Variants in LRP1B observed in about 807,000 individuals in gnomAD.
The protein encoded by LRP1B is low-density lipoprotein receptor-related protein 1B.
Under a neutral mutation model 556.6 loss-of-function variants are expected in LRP1B, and 217 were observed. The observed-to-expected ratio is 0.39, with a 90% confidence interval of 0.35 to 0.44. LRP1B has a LOEUF of 0.44. Among genes scored for constraint, LRP1B ranks in the 20% least tolerant of loss-of-function variants. The probability of loss-of-function intolerance (pLI) is 1.00; values close to 1 mark genes in which losing one functional copy is unlikely to be tolerated. For synonymous variants in LRP1B, 2,047 were observed against 1,865.8 expected (o/e 1.10, Z -2.50); for missense variants, 5,053 against 5,620.8 (o/e 0.90, Z 3.23).
At chr2:140,955,499 A>G (rs1417672470) in intron 18 of LRP1B, among the ~76,000 whole-genome samples, 1 of 151,872 alleles carries the variant, frequency 6.6e-6, no homozygotes, top group African/African-American at 2.4e-5. Flanking sequence ...GAGAAAAATT[A>G]TGAACAAAAA....
At chr2:141,537,262 A>G (rs1385834209) in intron 2 of LRP1B, among the ~76,000 whole-genome samples, 2 of 152,136 alleles carry the variant, frequency 1.3e-5, no homozygotes, top group Non-Finnish European at 2.9e-5. Flanking sequence ...AAGAAAAACT[A>G]CATATAAAAA....
chr2:140,444,624 T>C lies in LRP1B; in HGVS notation c.10113A>G (p.Leu3371=), dbSNP rs774476681. Reference sequence around the variant, plus strand: ...TCTCTCCATCACAGATGAAAGCTGGTAGAGCACAGAGTCCAGTCCCACACT... The same window carrying C: ...TCTCTCCATCACAGATGAAAGCTGGCAGAGCACAGAGTCCAGTCCCACACT... ...RFQCGTGLCA[L]PAFICDGEND... The change falls in exon 64 of 91, where the codon CTA becomes CTG. Residue 3371 remains leucine, a synonymous_variant. Transcript: ENST00000389484. The C allele has an allele frequency of 2.5e-6, 4 of 1,614,020 alleles. No individual in the cohort carries two copies. Among genetic ancestry groups the C allele is most frequent in the Non-Finnish European group, 1.7e-6 (2 of 1,179,948 alleles).
intron 41 of LRP1B, among the ~76,000 whole-genome samples, chr2:140,690,948 T>A (rs1385077914): frequency 5.3e-5 from 8 of 152,168 alleles, no homozygotes; most frequent in Non-Finnish European, 1.2e-4. Context: ...TTTTCAGTTT[T>A]ATGAAAACTG....
chr2:140,412,128 A>G (rs895127467), intron 66 of LRP1B, among the ~76,000 whole-genome samples: 7 of 152,098 alleles, frequency 4.6e-5, no homozygotes, highest in African/African-American at 1.7e-4. Flanking sequence ...AGAAGCAAAT[A>G]TATCAATTAG....
intron 25 of LRP1B, among the ~76,000 whole-genome samples, chr2:140,881,278 G>GCA (rs1475553095): frequency 1.1e-4 from 17 of 151,688 alleles, no homozygotes; most frequent in African/African-American, 4.1e-4. Flanking sequence ...GTGTGTGTGC[G>GCA]TGTGTGTCTG....
chr2:141,797,862 G>T (rs1418425384), intron 2 of LRP1B, among the ~76,000 whole-genome samples: 1 of 152,160 alleles, frequency 6.6e-6, no homozygotes, highest in African/African-American at 2.4e-5. Flanking sequence ...AACCTTGATT[G>T]TGTGATATTC....
intron 2 of LRP1B, among the ~76,000 whole-genome samples, chr2:141,672,136 C>G (rs1231970128): frequency 1.3e-5 from 2 of 152,098 alleles, no homozygotes; most frequent in Non-Finnish European, 2.9e-5. Context: ...TTAGAAAATA[C>G]TAATAGATTA....
chr2:141,144,627 C>T (rs1701737035), intron 7 of LRP1B, among the ~76,000 whole-genome samples: 1 of 152,104 alleles, frequency 6.6e-6, no homozygotes, highest in South Asian at 2.1e-4. Flanking sequence ...CCTTCATACG[C>T]TAGAAGATCA....
chr2:140,916,834 AAT>A (rs35253461), intron 21 of LRP1B, among the ~76,000 whole-genome samples: 16,335 of 152,194 alleles, frequency 0.11, 1,260 homozygotes, highest in East Asian at 0.28. Flanking sequence ...TTATAGAAAG[AAT>A]ATACTTTTAT....
chr2:141,822,728 T>C (rs1250493228), intron 1 of LRP1B, among the ~76,000 whole-genome samples: 1 of 152,220 alleles, frequency 6.6e-6, no homozygotes, highest in East Asian at 1.9e-4. Context: ...CCTTGTTCCC[T>C]ATTTTAAAAG....
At chr2:140,652,266 T>C (rs967038656) in intron 41 of LRP1B, among the ~76,000 whole-genome samples, 1 of 151,912 alleles carries the variant, frequency 6.6e-6, no homozygotes, top group Non-Finnish European at 1.5e-5. Context: ...ATTTGAGACA[T>C]CTAGATAAAT....
At chr2:141,100,519 A>G (rs74899117) in intron 7 of LRP1B, among the ~76,000 whole-genome samples, 13,344 of 152,214 alleles carry the variant, frequency 0.088, 641 homozygotes, top group South Asian at 0.14. Context: ...ATGTTGATGG[A>G]AGAAGTTATT....
At chr2:141,566,325 A>G (rs1686330363) in intron 2 of LRP1B, among the ~76,000 whole-genome samples, 1 of 152,202 alleles carries the variant, frequency 6.6e-6, no homozygotes, top group Non-Finnish European at 1.5e-5. Flanking sequence ...TTTCACTTAT[A>G]GTAAATGAAA....
intron 81 of LRP1B, among the ~76,000 whole-genome samples, chr2:140,323,592 T>G (rs2105057881): frequency 6.6e-6 from 1 of 151,832 alleles, no homozygotes; most frequent in East Asian, 1.9e-4. Flanking sequence ...ACCCTAAAAC[T>G]TAAAGTATAA....
At chr2:141,200,452 T>A (rs1027208672) in intron 6 of LRP1B, among the ~76,000 whole-genome samples, 3 of 152,100 alleles carry the variant, frequency 2.0e-5, no homozygotes, top group Admixed American at 6.5e-5. Context: ...ACCTAGGTGA[T>A]GAAATCATCT....
At chr2:141,252,837 C>T (rs1229386107) in intron 4 of LRP1B, among the ~76,000 whole-genome samples, 2 of 152,118 alleles carry the variant, frequency 1.3e-5, no homozygotes, top group Non-Finnish European at 2.9e-5. Flanking sequence ...CCTAATGATG[C>T]TCAGACTTGG....
At chr2:140,601,146 C>CAATCA (rs1408374867) in intron 42 of LRP1B, among the ~76,000 whole-genome samples, 1 of 149,982 alleles carries the variant, frequency 6.7e-6, no homozygotes, top group Non-Finnish European at 1.5e-5. Context: ...TATATGGTTC[C>CAATCA]AATCAGCTAT....
At chr2:141,503,047 CCAA>C in intron 2 of LRP1B, among the ~76,000 whole-genome samples, 2 of 149,836 alleles carry the variant, frequency 1.3e-5, no homozygotes, top group Middle Eastern at 7.0e-3. Context: ...TTGCTTGAAT[CCAA>C]ATTATTAGAT....
At chr2:142,074,143 AC>A (rs1159674778) in intron 1 of LRP1B, among the ~76,000 whole-genome samples, 1 of 151,636 alleles carries the variant, frequency 6.6e-6, no homozygotes, top group Admixed American at 6.6e-5. Flanking sequence ...GTAATTTATC[AC>A]CCCTCACTCA....
Sources: gnomAD v4.1 joint callset for allele counts (sites outside exome capture counted in the v4.1 genomes callset) on GRCh38, gnomAD v4.1.1 for gene constraint, MANE v1.5 for transcripts, NCBI Gene and HGNC (gene_info 2026-07-23, HGNC 2026-07-21) for gene names.